PARP4: variants seen among roughly 807,000 people sequenced by gnomAD.
PARP4 encodes protein mono-ADP-ribosyltransferase PARP4.
A neutral mutation model predicts 187.7 loss-of-function variants in PARP4; 120 were observed. That is an observed-to-expected ratio of 0.64 (90% CI 0.55 to 0.74). The LOEUF is 0.74. Ranked by LOEUF, PARP4 falls within the 30% of genes least tolerant of loss-of-function variation. The probability of loss-of-function intolerance (pLI) is 0.00; values close to 1 mark genes in which losing one functional copy is unlikely to be tolerated. For missense variants in PARP4, 1,836 were observed against 2,070.5 expected (o/e 0.89, Z 2.20); for synonymous variants, 654 against 740.9 (o/e 0.88, Z 1.90).
intron 27 of PARP4, among the ~76,000 whole-genome samples, chr13:24,445,178 C>CT (rs1871148950): frequency 6.6e-6 from 1 of 152,228 alleles, no homozygotes; most frequent in Non-Finnish European, 1.5e-5. Flanking sequence ...ATCTGCATGT[C>CT]TCTTCCCCTG....
intron 21 of PARP4, 150 bp downstream of exon 21, chr13:24,456,191 T>C: frequency 1.6e-6 from 1 of 616,536 alleles, no homozygotes; most frequent in South Asian, 2.6e-5. Context: ...CTTGATATCA[T>C]AAATATTTTT....
chr13:24,494,537 T>G (rs1868834969), intron 7 of PARP4, 36 bp downstream of exon 7: 2 of 1,558,102 alleles, frequency 1.3e-6, no homozygotes, highest in South Asian at 2.3e-5. Context: ...TTAAAAATAT[T>G]CAATCAACAA....
chr13:24,494,233 T>G (rs1460454014), intron 7 of PARP4, among the ~76,000 whole-genome samples: 1 of 152,222 alleles, frequency 6.6e-6, no homozygotes, highest in Non-Finnish European at 1.5e-5. Context: ...TCTTGCTGTA[T>G]TGCCCAGGTT....
chr13:24,507,112 G>A (rs373205533), intron 1 of PARP4, among the ~76,000 whole-genome samples: 38 of 152,322 alleles, frequency 2.5e-4, no homozygotes, highest in Middle Eastern at 3.4e-3. Flanking sequence ...TGCGGGGACC[G>A]CCCAGCCCAC....
chr13:24,512,468 G>A (rs1379321150), intron 1 of PARP4, among the ~76,000 whole-genome samples: 5 of 152,098 alleles, frequency 3.3e-5, no homozygotes, highest in African/African-American at 1.2e-4. Flanking sequence ...CACCGCACCC[G>A]GTTTCTCGTC....
At chr13:24,449,351 G>A (rs1002792270) in intron 25 of PARP4, among the ~76,000 whole-genome samples, 3 of 140,720 alleles carry the variant, frequency 2.1e-5, no homozygotes, top group Non-Finnish European at 3.0e-5. Context: ...TGGCGCCACT[G>A]CACTCCAGCC....
intron 10 of PARP4, among the ~76,000 whole-genome samples, chr13:24,487,127 G>A (rs1400976751): frequency 6.6e-6 from 1 of 151,838 alleles, no homozygotes; most frequent in African/African-American, 2.4e-5. Context: ...GGGCATGGTG[G>A]TGCACACCTG....
intron 30 of PARP4, among the ~76,000 whole-genome samples, chr13:24,441,614 C>T (rs1055629181): frequency 6.6e-6 from 1 of 152,238 alleles, no homozygotes; most frequent in African/African-American, 2.4e-5. Context: ...GATAGAAGCA[C>T]AGCCAGAGGT....
intron 26 of PARP4, 75 bp from the exon 27 acceptor site, chr13:24,446,836 T>G: frequency 7.3e-7 from 1 of 1,374,850 alleles, no homozygotes. Flanking sequence ...GAAATTCTTT[T>G]GGTGATTTTC....
intron 11 of PARP4, among the ~76,000 whole-genome samples, chr13:24,485,264 T>G (rs1873491357): frequency 6.6e-6 from 1 of 152,218 alleles, no homozygotes. Context: ...TGGGTTCATT[T>G]GTGTTTAATA....
intron 11 of PARP4, among the ~76,000 whole-genome samples, chr13:24,485,774 G>C (rs963976196): frequency 3.9e-5 from 6 of 152,142 alleles, no homozygotes; most frequent in East Asian, 1.9e-4. Flanking sequence ...CATGAATATA[G>C]AATCACTTTT....
At chr13:24,511,746 A>G (rs1256252450) in intron 1 of PARP4, among the ~76,000 whole-genome samples, 1 of 152,258 alleles carries the variant, frequency 6.6e-6, no homozygotes, top group Non-Finnish European at 1.5e-5. Context: ...TACAGTGGGC[A>G]TTCAATAAAA....
intron 12 of PARP4, among the ~76,000 whole-genome samples, chr13:24,483,314 G>A (rs1162862190): frequency 6.7e-6 from 1 of 149,670 alleles, no homozygotes; most frequent in African/African-American, 2.5e-5. Context: ...GTGAAACCCC[G>A]TCTCTACTAA....
chr13:24,455,488 T>TC (rs1365526460), intron 21 of PARP4, among the ~76,000 whole-genome samples: 1 of 136,762 alleles, frequency 7.3e-6, no homozygotes, highest in Non-Finnish European at 1.6e-5. Context: ...CAAATATATA[T>TC]ATATATATAT....
intron 17 of PARP4, among the ~76,000 whole-genome samples, chr13:24,468,530 C>CAGT (rs1269406218): frequency 6.6e-6 from 1 of 151,596 alleles, no homozygotes. Context: ...GCAGCCTCTC[C>CAGT]AGTAGCTGGG....
chr13:24,453,334 C>T (rs1871632349), intron 23 of PARP4, among the ~76,000 whole-genome samples: 1 of 151,518 alleles, frequency 6.6e-6, no homozygotes, highest in African/African-American at 2.4e-5. Flanking sequence ...CAGAAGAAAA[C>T]TTCTCAAAGC....
intron 17 of PARP4, among the ~76,000 whole-genome samples, chr13:24,467,050 G>T (rs1375145881): frequency 6.6e-6 from 1 of 152,098 alleles, no homozygotes; most frequent in Non-Finnish European, 1.5e-5. Context: ...TCAACAGTAC[G>T]CTATCTAAGT....
intron 23 of PARP4, among the ~76,000 whole-genome samples, chr13:24,453,013 C>A (rs1452831833): frequency 3.3e-5 from 5 of 152,078 alleles, no homozygotes; most frequent in African/African-American, 1.2e-4. Flanking sequence ...CGGCTCACTG[C>A]AACTTCTACC....
intron 17 of PARP4, among the ~76,000 whole-genome samples, chr13:24,464,554 T>C (rs1224028442): frequency 6.6e-6 from 1 of 152,118 alleles, no homozygotes; most frequent in African/African-American, 2.4e-5. Context: ...GGGAAAAGAT[T>C]CCCTATTTAA....
Sources: gnomAD v4.1 joint callset for allele counts (sites outside exome capture counted in the v4.1 genomes callset) on GRCh38, gnomAD v4.1.1 for gene constraint, MANE v1.5 for transcripts, NCBI Gene and HGNC (gene_info 2026-07-23, HGNC 2026-07-21) for gene names.